Variants in VSIG1 observed in about 807,000 individuals in gnomAD.
The protein encoded by VSIG1 is V-set and immunoglobulin domain containing 1.
A neutral mutation model predicts 20.1 loss-of-function variants in VSIG1; 11 were observed. The observed-to-expected ratio is 0.55, with a 90% CI of 0.34 to 0.91. The LOEUF (loss-of-function observed/expected upper bound fraction) is 0.91. Ranked by LOEUF, VSIG1 falls within the 40% of genes least tolerant of loss-of-function variation. The pLI, the probability that VSIG1 is intolerant of heterozygous loss-of-function variation, is 0.02. For synonymous variants in VSIG1, 126 were observed against 116.7 expected (o/e 1.08, Z -0.52); for missense variants, 283 against 298.8 (o/e 0.95, Z 0.39).
the VSIG1 span, among the ~76,000 whole-genome samples, chrX:108,033,141 C>G: frequency 9.9e-5 from 11 of 111,308 alleles, no homozygotes; most frequent in Non-Finnish European, 1.9e-4. Context: ...TTGGAAGGGG[C>G]TCTAGGGCTG....
intron 5 of VSIG1, among the ~76,000 whole-genome samples, chrX:108,075,677 C>T (rs1208390016): frequency 1.8e-5 from 2 of 111,155 alleles, no homozygotes; most frequent in South Asian, 4.0e-4. Flanking sequence ...GCATGAGGTT[C>T]CTTCGTAAGC....
intron 2 of VSIG1, chrX:108,064,665 C>T (rs2031093081): frequency 1.6e-6 from 1 of 608,143 alleles, no homozygotes; most frequent in Non-Finnish European, 2.0e-6. Flanking sequence ...GTGATGTCAT[C>T]AAGCATCAGT....
the VSIG1 span, among the ~76,000 whole-genome samples, chrX:108,023,063 T>C: frequency 8.9e-6 from 1 of 112,217 alleles, no homozygotes; most frequent in Non-Finnish European, 1.9e-5. Flanking sequence ...TCTTTATAAA[T>C]GACCCAGCCT....
chrX:108,047,801 T>TATATACATATATATATAC (rs2030624899), intron 1 of VSIG1, among the ~76,000 whole-genome samples: 1 of 72,285 alleles, frequency 1.4e-5, no homozygotes, highest in Non-Finnish European at 2.5e-5. Flanking sequence ...TATATATATA[T>TATATACATATATATATAC]ATATATACAT....
chrX:108,061,892 C>T (rs928638375), intron 2 of VSIG1, among the ~76,000 whole-genome samples: 6 of 110,155 alleles, frequency 5.4e-5, no homozygotes, highest in Admixed American at 4.8e-4. Context: ...ACTGACTATC[C>T]CCTTTGGAGA....
intron 5 of VSIG1, chrX:108,073,725 C>T (rs2031297504): frequency 7.1e-6 from 1 of 141,128 alleles, no homozygotes; most frequent in African/African-American, 3.2e-5. Flanking sequence ...CTCTGACAAA[C>T]ATATACCTTG....
intron 1 of VSIG1, among the ~76,000 whole-genome samples, chrX:108,055,700 G>GA (rs1044013243): frequency 3.4e-5 from 3 of 87,412 alleles, no homozygotes; most frequent in Non-Finnish European, 5.0e-5. Context: ...ACAGGCTAAA[G>GA]AAAAAAAAAT....
chrX:108,073,488 G>C, intron 5 of VSIG1, 119 bp downstream of exon 5: 2 of 862,429 alleles, frequency 2.3e-6, no homozygotes, highest in South Asian at 5.0e-5. Context: ...AGATTTGTGT[G>C]CTTTATATAC....
At chrX:108,024,738 T>C in the VSIG1 span, among the ~76,000 whole-genome samples, 1 of 111,101 alleles carries the variant, frequency 9.0e-6, no homozygotes, top group Non-Finnish European at 1.9e-5. Context: ...TGTTTAGTTT[T>C]CACTTAGTTG....
intron 2 of VSIG1, chrX:108,061,506 G>C: frequency 8.6e-7 from 1 of 1,166,505 alleles, no homozygotes; most frequent in Non-Finnish European, 1.1e-6. Flanking sequence ...CGCAAGAGAC[G>C]CTCGGGGAAG....
chrX:108,048,001 T>TAC (rs1235495725), intron 1 of VSIG1, among the ~76,000 whole-genome samples: 706 of 59,521 alleles, frequency 0.012, 28 homozygotes, highest in East Asian at 0.059. Flanking sequence ...TATATATATA[T>TAC]ACACATATAT....
chrX:108,021,592 T>C, the VSIG1 span, among the ~76,000 whole-genome samples: 2 of 112,731 alleles, frequency 1.8e-5, no homozygotes, highest in Non-Finnish European at 3.7e-5. Context: ...ATTCTATTGC[T>C]TATACTTTTG....
upstream of VSIG1, among the ~76,000 whole-genome samples, chrX:108,043,294 ACT>A (rs1569286014): frequency 8.9e-6 from 1 of 111,845 alleles, no homozygotes; most frequent in Non-Finnish European, 1.9e-5. Context: ...TGACAGTGAG[ACT>A]CATATTATAA....
chrX:108,061,725 C>T (rs147202461), intron 2 of VSIG1, among the ~76,000 whole-genome samples: 1 of 110,456 alleles, frequency 9.1e-6, no homozygotes, highest in East Asian at 2.9e-4. Flanking sequence ...TCTTCTGCCT[C>T]TTCCTAAAGG....
chrX:108,055,504 A>G (rs1383907513), intron 1 of VSIG1, among the ~76,000 whole-genome samples: 1 of 111,882 alleles, frequency 8.9e-6, no homozygotes, highest in Non-Finnish European at 1.9e-5. Flanking sequence ...AAACAGTACA[A>G]AAATAGAAAA....
chrX:108,046,577 C>T (rs2030586555), intron 1 of VSIG1, among the ~76,000 whole-genome samples: 1 of 109,480 alleles, frequency 9.1e-6, no homozygotes, highest in Non-Finnish European at 1.9e-5. Flanking sequence ...TTAACTGTAC[C>T]TAACATACAA....
chrX:108,043,182 A>AGAAG (rs2030507433), upstream of VSIG1, among the ~76,000 whole-genome samples: 6 of 111,528 alleles, frequency 5.4e-5, no homozygotes, highest in African/African-American at 1.3e-4. Flanking sequence ...AAATGAAAGG[A>AGAAG]ACGTTCTTTC....
chrX:108,019,847 G>T, the VSIG1 span, among the ~76,000 whole-genome samples: 1 of 111,361 alleles, frequency 9.0e-6, no homozygotes, highest in Non-Finnish European at 1.9e-5. Context: ...TTAGTCTTCG[G>T]CCAGCAAGGA....
the VSIG1 span, among the ~76,000 whole-genome samples, chrX:108,033,318 T>C: frequency 8.9e-6 from 1 of 112,010 alleles, no homozygotes; most frequent in South Asian, 3.8e-4. Flanking sequence ...CTCTGTGAAA[T>C]GAAGGATTTG....
Sources: gnomAD v4.1 joint callset for allele counts (sites outside exome capture counted in the v4.1 genomes callset) on GRCh38, gnomAD v4.1.1 for gene constraint, MANE v1.5 for transcripts, NCBI Gene and HGNC (gene_info 2026-07-23, HGNC 2026-07-21) for gene names.